The following KDR variants were observed in gnomAD, a reference collection of about 807,000 sequenced individuals.
KDR encodes the protein vascular endothelial growth factor receptor 2.
In KDR, 43 loss-of-function variants were observed where a neutral mutation model predicts 160.9. The observed-to-expected ratio is 0.27, with a 90% confidence interval of 0.21 to 0.34. KDR has a LOEUF of 0.34. Ranked by LOEUF, KDR falls within the 10% of genes least tolerant of loss-of-function variation. The probability of loss-of-function intolerance (pLI) is 1.00; values close to 1 mark genes in which losing one functional copy is unlikely to be tolerated. For synonymous variants in KDR, 617 were observed against 600.1 expected, an observed-to-expected ratio of 1.03 and a Z score of -0.41; for missense variants, 1,469 against 1,666.4, an observed-to-expected ratio of 0.88 and a Z score of 2.06.
chr4:55,095,622 C>G lies in KDR; in HGVS notation c.2772G>C (p.Leu924=). The G allele has an allele frequency of 6.2e-7, 1 of 1,613,824 alleles. No homozygotes were observed. The highest frequency in any genetic ancestry group is 8.5e-7 in the Non-Finnish European group (1 of 1,179,792). The change falls in exon 20 of 30, where the codon CTG becomes CTC. Residue 924 remains leucine, a synonymous_variant. Coordinates refer to ENST00000263923, the MANE Select transcript of KDR (RefSeq NM_002253.4). ...TTCTCTTGCTCCTCAGGTAAGTGGA[C>G]AGGTTTCCAAATTTGCAGAATTCCA... ...VIVEFCKFGN[L]STYLRSKRNE...
Position 55,110,589 on chromosome 4 carries a change from A to G in KDR, c.1092-23T>C, listed in dbSNP as rs753682120. ...TACCTATGAAAAAAAATTCTCAGGA[A>G]TTAGTATAGTCAAAGGATTTGCTCT... On this transcript the variant is annotated intron_variant, in intron 8 of 29. Coordinates refer to ENST00000263923, the MANE Select transcript of KDR (RefSeq NM_002253.4). 11 of 1,613,286 alleles carry G rather than the reference A, an allele frequency of 6.8e-6. No homozygotes were observed. In the South Asian group the frequency reaches 1.2e-4, roughly 18 times the overall value.
In KDR at chr4:55,125,523, G is replaced by A. The variant is rs992150084; in HGVS notation, c.-230C>T. The stretch of plus-strand genomic sequence containing the variant: ...CAGACGGACTTTCTGCGGCGCGCAA[G>A]TGATGCCCGGCGCAGGCAGAGGAAA... On this transcript the variant is annotated 5_prime_UTR_variant, in exon 1 of 30. Transcript: ENST00000263923. The A allele has an allele frequency of 2.4e-4, 148 of 605,668 alleles. No homozygotes were observed. Among genetic ancestry groups the A allele is most frequent in the Non-Finnish European group, 5.3e-5 (18 of 341,070 alleles). The allele number at this position is 605,668 out of a possible 1,614,324, so 37.5% of individuals were successfully genotyped here.
rs56347250 is a variant in KDR at position 55,080,124 on chromosome 4, A to T, written c.3888T>A (p.Ser1296=). Residue 1296 remains serine, a synonymous_variant, in exon 30 of 30, where the codon TCT becomes TCA. Transcript: ENST00000263923. ...AGCCGCTTGTCTGGTTTGAGCCTTC[A>T]GATGCCACAGACTCCCTGCTTTTGC... is the stretch of plus-strand genomic sequence containing the variant. The part of the protein sequence containing the change: ...VPSKSRESVA[S]EGSNQTSGYQ... 61 of 1,613,858 alleles carry T rather than the reference A, an allele frequency of 3.8e-5. 1 individual carries two copies. The East Asian group carries it at 7.4e-4, about 19-fold the overall frequency.
rs1230562880 is a variant in KDR, at chr4:55,115,112, T to C, written c.490-70A>G. 2.2e-6 allele frequency: 3 copies of C among 1,361,246 alleles called. No individual in the cohort carries two copies. The African/African-American group carries it at 4.3e-5, about 20-fold the overall frequency. 84.3% of individuals were successfully genotyped at this position (1,361,246 alleles called of 1,614,324 possible). On this transcript the variant is annotated intron_variant, in intron 4 of 29. Transcript: ENST00000263923. Reference sequence around the variant, plus strand: ...AATGAGAGCCATGTACAATGATCACTGAAGAATTCATCTTATTTTTAAGAA... The same window carrying C: ...AATGAGAGCCATGTACAATGATCACCGAAGAATTCATCTTATTTTTAAGAA...
At chr4:55,095,918 G>A (rs1016254005) in intron 19 of KDR, among the ~76,000 whole-genome samples, 1 of 152,114 alleles carries the variant, frequency 6.6e-6, no homozygotes, top group African/African-American at 2.4e-5. Context: ...GCAATCTCCT[G>A]ATATGATTCC....
intron 3 of KDR, 138 bp from the exon 4 acceptor site, chr4:55,115,549 T>C: frequency 1.6e-6 from 1 of 634,174 alleles, no homozygotes; most frequent in Admixed American, 2.5e-5. Context: ...ATCCACAGAT[T>C]ATTCTGCTGA....
rs2305947 is a variant in KDR, at chr4:55,097,319, T to G, written c.2614+343A>C. ...TTCCATGTCTCTAGATGGTCTATAA[T>G]TATCTGATTCCACAATATATTAAGA... is the stretch of plus-strand genomic sequence containing the variant. On this transcript the variant is annotated intron_variant, in intron 18 of 29. Transcript: ENST00000263923. 7.2e-5 allele frequency among the ~76,000 whole-genome samples: 11 copies of G among 152,344 alleles called. No individual in the cohort carries two copies. In the East Asian group the frequency reaches 2.1e-3, roughly 29 times the overall value.
chr4:55,079,957 C>G lies in KDR; in HGVS notation c.4055G>C (p.Ser1352Thr), dbSNP rs1287197336. The change falls in exon 30 of 30, where the codon AGC becomes ACC. Residue 1352 changes from serine to threonine, a missense_variant. By Grantham distance (58) the Ser-to-Thr change is moderately conservative. Transcript: ENST00000263923. ...TGCTTCCTTTTAAACAGGAGGAGAG[C>G]TCAGTGTGGTCCCCGAGTCAGGCTG... Reference protein sequence around the residue: ...ILQPDSGTTLSSPPV With the variant: ...ILQPDSGTTLTSPPV 2.5e-6 allele frequency: 4 copies of G among 1,613,980 alleles called. No individual in the cohort carries two copies. The highest frequency in any genetic ancestry group is 1.3e-5 in the African/African-American group (1 of 74,916).
chr4:55,125,435 C>CTGT lies in KDR; in HGVS notation c.-143_-142insACA. 1.9e-6 allele frequency: 2 copies of CTGT among 1,058,464 alleles called. No homozygotes were observed. The highest frequency in any genetic ancestry group is 2.8e-6 in the Non-Finnish European group (2 of 724,164). 65.6% of individuals were successfully genotyped at this position (1,058,464 alleles called of 1,614,324 possible). ...GTTGAGCGCACAGGGCTAGGGAGCC[C>CTGT]GGGCGCCGACCGCGGCTGCAGGGGC... On this transcript the variant is annotated 5_prime_UTR_variant, in exon 1 of 30. Coordinates refer to ENST00000263923, the MANE Select transcript of KDR (RefSeq NM_002253.4).
chr4:55,101,906 T>G lies in KDR; in HGVS notation c.2257A>C (p.Ile753Leu). The G allele has an allele frequency of 6.2e-7, 1 of 1,613,360 alleles. No homozygotes were observed. The highest frequency in any genetic ancestry group is 8.5e-7 in the Non-Finnish European group (1 of 1,179,606). Residue 753 changes from isoleucine (I) to leucine (L), a missense_variant, in exon 15 of 30, where the codon ATA (isoleucine) becomes CTA (leucine). By Grantham distance (5) the Ile-to-Leu change is conservative (BLOSUM62 2). Coordinates refer to ENST00000263923, the MANE Select transcript of KDR (RefSeq NM_002253.4). ...LGCAKVEAFF[I>L]IEGAQEKTNL... is the part of the protein sequence containing the mutation. Reference sequence around the variant, plus strand: ...TTTTTATCCCACTGACCTTCTATTATGAAAAATGCCTCCACTTTTGCACAG... The same window carrying G: ...TTTTTATCCCACTGACCTTCTATTAGGAAAAATGCCTCCACTTTTGCACAG...
At chr4:55,118,347 A>G (rs1361349017) in intron 3 of KDR, among the ~76,000 whole-genome samples, 1 of 152,338 alleles carries the variant, frequency 6.6e-6, no homozygotes, top group Non-Finnish European at 1.5e-5. Context: ...TCAATGGCCA[A>G]CAGTGAACAC....
chr4:55,087,438 C>A (rs1021368458), intron 27 of KDR, among the ~76,000 whole-genome samples, 169 bp downstream of exon 27: 1 of 152,216 alleles, frequency 6.6e-6, no homozygotes, highest in Non-Finnish European at 1.5e-5. Context: ...AGCACACCTA[C>A]CCAGGCCCTC....
chr4:55,101,902 A>G lies in KDR; in HGVS notation c.2261T>C (p.Ile754Thr). Reference protein sequence around the residue: ...GCAKVEAFFIIEGAQEKTNLE... With the variant: ...GCAKVEAFFITEGAQEKTNLE... Reference sequence around the variant, plus strand: ...TTTTTTTTTATCCCACTGACCTTCTATTATGAAAAATGCCTCCACTTTTGC... The same window carrying G: ...TTTTTTTTTATCCCACTGACCTTCTGTTATGAAAAATGCCTCCACTTTTGC... The change falls in exon 15 of 30, where the codon ATA becomes ACA. Residue 754 changes from isoleucine to threonine, a missense_variant. This residue lies in a region of KDR where 118 missense variants were observed against 110.8 expected (regional missense o/e 1.06). Transcript: ENST00000263923. 6.2e-7 allele frequency: 1 copy of G among 1,612,918 alleles called. No individual in the cohort carries two copies. Among genetic ancestry groups the G allele is most frequent in the Non-Finnish European group, 8.5e-7 (1 of 1,179,414 alleles).
intron 3 of KDR, among the ~76,000 whole-genome samples, chr4:55,118,280 C>T (rs1720782529): frequency 6.6e-6 from 1 of 152,170 alleles, no homozygotes. Flanking sequence ...CCAAATCTTC[C>T]TCGATTTCAA....
Position 55,078,580 on chromosome 4 carries a change from C to T in KDR, c.*1361G>A, listed in dbSNP as rs1156426295. The T allele has an allele frequency of 2.2e-5, 5 of 232,352 alleles. No individual in the cohort carries two copies. Among genetic ancestry groups the T allele is most frequent in the Non-Finnish European group, 3.4e-5 (4 of 117,644 alleles). 14.4% of individuals were successfully genotyped at this position (232,352 alleles called of 1,614,324 possible). ...ATACTGATACAAAATGTGAATAGTACAAAGTTCATTATATATAAGGCTTTA... is the reference window on the plus strand; with the variant it reads ...ATACTGATACAAAATGTGAATAGTATAAAGTTCATTATATATAAGGCTTTA... On this transcript the variant is annotated 3_prime_UTR_variant, in exon 30 of 30. Transcript: ENST00000263923.
intron 18 of KDR, among the ~76,000 whole-genome samples, chr4:55,096,902 C>T (rs143379947): frequency 6.6e-5 from 10 of 152,292 alleles, no homozygotes; most frequent in South Asian, 6.2e-4. Flanking sequence ...AATTCACAGG[C>T]ATGGTCCACA....
rs2110018107 is a variant in KDR, at chr4:55,098,729, G to C, written c.2341C>G (p.Leu781Val). The C allele has an allele frequency of 6.2e-7, 1 of 1,613,270 alleles. No individual in the cohort carries two copies. The highest frequency in any genetic ancestry group is 8.5e-7 in the Non-Finnish European group (1 of 1,179,360). Residue 781 changes from leucine (L) to valine (V), a missense_variant, in exon 16 of 30, where the codon CTT becomes GTT. Physicochemically the swap from Leu to Val is conservative, Grantham distance 32. This residue lies in a region of KDR where 118 missense variants were observed against 110.8 expected (regional missense o/e 1.06). Transcript: ENST00000263923. ...TAVIAMFFWL[L>V]LVIILRTVKR... Reference sequence around the variant, plus strand: ...ACGGTCCGTAGGATGATGACAAGAAGTAGCCAGAAGAACATGGCAATCACC... The same window carrying C: ...ACGGTCCGTAGGATGATGACAAGAACTAGCCAGAAGAACATGGCAATCACC...
chr4:55,114,428 G>A (rs1035342880), intron 5 of KDR, among the ~76,000 whole-genome samples, 163 bp from the exon 6 acceptor site: 1 of 152,222 alleles, frequency 6.6e-6, no homozygotes, highest in East Asian at 1.9e-4. Context: ...GGCCAACAGA[G>A]GTTTACAAAG....
chr4:55,113,796 C>T (rs1396930474), intron 6 of KDR, among the ~76,000 whole-genome samples: 1 of 152,180 alleles, frequency 6.6e-6, no homozygotes, highest in Non-Finnish European at 1.5e-5. Flanking sequence ...GAGAAATTCC[C>T]TTAAAAGGAA....
Sources: allele counts gnomAD v4.1 joint callset (sites outside exome capture counted in the v4.1 genomes callset), GRCh38; gene constraint gnomAD v4.1.1; regional missense constraint gnomAD v4.1.1; transcripts MANE v1.5; gene names NCBI Gene and HGNC (gene_info 2026-07-23, HGNC 2026-07-21).